Variants in GPHN observed in about 807,000 individuals in gnomAD.
The protein encoded by GPHN is gephyrin.
GPHN carries 17 observed loss-of-function variants against 95.5 expected under a neutral mutation model. The ratio of observed to expected loss-of-function variants is 0.18; its 90% CI spans 0.12 to 0.27. GPHN has a LOEUF of 0.27. Ranked by LOEUF, GPHN falls within the 10% of genes least tolerant of loss-of-function variation. GPHN has a pLI of 1.00. For missense variants in GPHN, 660 were observed against 978.1 expected (o/e 0.67, Z 4.34); for synonymous variants, 320 against 322.5 (o/e 0.99, Z 0.08).
At chr14:66,571,032 G>A (rs1389634733) in intron 1 of GPHN, among the ~76,000 whole-genome samples, 1 of 152,052 alleles carries the variant, frequency 6.6e-6, no homozygotes, top group Admixed American at 6.6e-5. Flanking sequence ...AAACGTATGG[G>A]GTGTATTAGT....
chr14:67,695,758 A>C, the GPHN span: 1 of 1,543,840 alleles, frequency 6.5e-7, no homozygotes, highest in Non-Finnish European at 8.9e-7. Flanking sequence ...CTCGCCGACT[A>C]TGGCTTCTCT....
chr14:67,393,028 G>A, the GPHN span: 5 of 921,228 alleles, frequency 5.4e-6, no homozygotes, highest in Non-Finnish European at 7.1e-6. Context: ...GGCCATCTCA[G>A]GCTAGCCTGT....
At chr14:66,895,800 G>C (rs1203725864) in intron 5 of GPHN, among the ~76,000 whole-genome samples, 1 of 152,168 alleles carries the variant, frequency 6.6e-6, no homozygotes, top group Admixed American at 6.6e-5. Context: ...ATCTCAGATG[G>C]AGAGTTGAGG....
At chr14:66,586,837 C>G (rs1458071603) in intron 1 of GPHN, among the ~76,000 whole-genome samples, 1 of 151,776 alleles carries the variant, frequency 6.6e-6, no homozygotes, top group Non-Finnish European at 1.5e-5. Flanking sequence ...TGCTGAACCT[C>G]AAAGGACTAG....
intron 8 of GPHN, among the ~76,000 whole-genome samples, chr14:66,943,747 A>T (rs573174468): frequency 7.2e-5 from 11 of 152,142 alleles, no homozygotes; most frequent in Non-Finnish European, 1.2e-4. Context: ...CACACACAAC[A>T]CATATATAAC....
chr14:66,684,165 A>C (rs781309519), intron 2 of GPHN, among the ~76,000 whole-genome samples: 2 of 152,094 alleles, frequency 1.3e-5, no homozygotes, highest in Non-Finnish European at 2.9e-5. Context: ...ATTATGACTC[A>C]CCCATTTGAG....
At chr14:66,580,841 T>C (rs765931171) in intron 1 of GPHN, among the ~76,000 whole-genome samples, 7 of 151,718 alleles carry the variant, frequency 4.6e-5, no homozygotes, top group Non-Finnish European at 7.4e-5. Context: ...ATTACCATGA[T>C]ACCGAAGTCA....
intron 3 of GPHN, among the ~76,000 whole-genome samples, chr14:66,803,817 T>C (rs1011986253): frequency 2.0e-5 from 3 of 152,154 alleles, no homozygotes; most frequent in Non-Finnish European, 2.9e-5. Flanking sequence ...TTTGCATTAT[T>C]TACCCCTGAT....
the GPHN span, chr14:67,335,773 T>C: frequency 6.6e-6 from 1 of 152,660 alleles, no homozygotes; most frequent in Admixed American, 6.5e-5. Flanking sequence ...CTGTACACTG[T>C]ATTGTAAAAA....
At chr14:67,295,502 A>AC in the GPHN span, among the ~76,000 whole-genome samples, 2 of 151,340 alleles carry the variant, frequency 1.3e-5, no homozygotes, top group African/African-American at 4.9e-5. Flanking sequence ...AAAAAAAAAA[A>AC]CTCTTGGAAA....
the GPHN span, chr14:67,200,400 T>C: frequency 1.7e-6 from 1 of 578,482 alleles, no homozygotes; most frequent in Non-Finnish European, 3.1e-6. Flanking sequence ...AGAGATGCTG[T>C]AGCTCCTTGG....
At chr14:66,928,241 A>G (rs1023925726) in intron 8 of GPHN, among the ~76,000 whole-genome samples, 5 of 152,076 alleles carry the variant, frequency 3.3e-5, no homozygotes, top group Admixed American at 3.3e-4. Context: ...GGATTTCTTC[A>G]TGGTTCAATC....
the GPHN span, among the ~76,000 whole-genome samples, chr14:67,378,125 A>T: frequency 3.3e-4 from 44 of 133,242 alleles, no homozygotes; most frequent in Admixed American, 3.1e-3. Flanking sequence ...CTTGTCTCTT[A>T]AAAAAAAAAA....
intron 1 of GPHN, among the ~76,000 whole-genome samples, chr14:66,591,807 T>G (rs140748152): frequency 0.035 from 5,353 of 152,230 alleles, 124 homozygotes; most frequent in Middle Eastern, 0.068. Flanking sequence ...AAAAACTACT[T>G]TAAATTTCAT....
chr14:67,091,276 T>A (rs887432315), intron 12 of GPHN, among the ~76,000 whole-genome samples: 1 of 152,054 alleles, frequency 6.6e-6, no homozygotes, highest in Non-Finnish European at 1.5e-5. Flanking sequence ...ATGGCTCCTA[T>A]GTTTTTTTCT....
chr14:67,691,422 A>G, the GPHN span: 1 of 550,458 alleles, frequency 1.8e-6, no homozygotes, highest in African/African-American at 1.9e-5. Flanking sequence ...AATCCCACCT[A>G]CTTTTACTAT....
rs1007909614 is a variant in GPHN, at chr14:67,083,630, T to C, written c.1145-5353T>C. Among the ~76,000 whole-genome samples the C allele has an allele frequency of 3.3e-5, 5 of 152,308 alleles. No homozygotes were observed. The South Asian group carries it at 1.0e-3, about 32-fold the overall frequency. On this transcript the variant is annotated intron_variant, in intron 11 of 22. Transcript: ENST00000478722. The stretch of plus-strand genomic sequence containing the variant: ...TTGAATATATAGTTGACAAAAAATA[T>C]ATACATGAGTAGTATTCAGAGTGGC...
At chr14:67,194,826 T>C in the GPHN span, among the ~76,000 whole-genome samples, 1 of 152,086 alleles carries the variant, frequency 6.6e-6, no homozygotes, top group African/African-American at 2.4e-5. Flanking sequence ...CCAGGCTAAT[T>C]TTTATATTTT....
At chr14:67,569,956 T>C in the GPHN span, 31 of 1,610,412 alleles carry the variant, frequency 1.9e-5, no homozygotes, top group Non-Finnish European at 2.6e-5. Flanking sequence ...CCCTGGGTCT[T>C]TCTCTGGCCT....
Sources: allele counts gnomAD v4.1 joint callset (sites outside exome capture counted in the v4.1 genomes callset), GRCh38; gene constraint gnomAD v4.1.1; transcripts MANE v1.5; gene names NCBI Gene and HGNC (gene_info 2026-07-23, HGNC 2026-07-21).